KCNG2: variants seen among roughly 807,000 people sequenced by gnomAD.
KCNG2 encodes voltage-gated potassium channel regulatory subunit KCNG2.
KCNG2 carries 7 observed loss-of-function variants against 12.3 expected under a neutral mutation model. That is an observed-to-expected ratio of 0.57 (90% CI 0.32 to 1.07). KCNG2 has a LOEUF of 1.07. KCNG2 is among the 50% of genes least tolerant of loss of function. KCNG2 has a pLI of 0.04. For missense variants in KCNG2, 703 were observed against 726.0 expected, an observed-to-expected ratio of 0.97 and a Z score of 0.36; for synonymous variants, 414 against 351.4, an observed-to-expected ratio of 1.18 and a Z score of -1.99.
chr18:79,834,707 A>G (rs2083081120), intron 1 of KCNG2, among the ~76,000 whole-genome samples: 1 of 152,232 alleles, frequency 6.6e-6, no homozygotes, highest in South Asian at 2.1e-4. Context: ...CAGCAAGTCT[A>G]GCAGACATGC....
intron 1 of KCNG2, among the ~76,000 whole-genome samples, chr18:79,806,139 G>T (rs1012053324): frequency 6.6e-6 from 1 of 152,228 alleles, no homozygotes; most frequent in Admixed American, 6.5e-5. Context: ...GTGGGACTCA[G>T]TGGTCCCTCA....
chr18:79,845,137 G>T (rs1978580258), intron 1 of KCNG2, among the ~76,000 whole-genome samples: 1 of 152,210 alleles, frequency 6.6e-6, no homozygotes, highest in African/African-American at 2.4e-5. Flanking sequence ...AATCTCCAGG[G>T]AATTATTCTG....
chr18:79,826,679 G>A (rs1978286343), intron 1 of KCNG2, among the ~76,000 whole-genome samples: 1 of 147,556 alleles, frequency 6.8e-6, no homozygotes, highest in Admixed American at 6.8e-5. Flanking sequence ...AAAGAACTGA[G>A]TGAGCAGCTC....
rs558505294 is a variant in KCNG2, at chr18:79,856,688, C to T, written c.-41+236C>T. On this transcript the variant is annotated intron_variant, in intron 2 of 3. Transcript: ENST00000316249. ...GGACTGCAGAGGACAGGGGAGCTCA[C>T]GGGGCCGTCTGCCACGCCACAAAGG... Among the ~76,000 whole-genome samples the T allele has an allele frequency of 7.9e-5, 12 of 152,220 alleles. No individual in the cohort carries two copies. The South Asian group carries it at 2.1e-3, about 26-fold the overall frequency.
At chr18:79,885,370 G>A (rs112932559) in intron 3 of KCNG2, among the ~76,000 whole-genome samples, 1 of 152,206 alleles carries the variant, frequency 6.6e-6, no homozygotes, top group Admixed American at 6.5e-5. Context: ...ATCAATCAGG[G>A]TCTGTTTTCT....
intron 1 of KCNG2, among the ~76,000 whole-genome samples, chr18:79,814,910 C>T (rs1443475867): frequency 1.4e-5 from 2 of 142,878 alleles, no homozygotes; most frequent in Non-Finnish European, 1.5e-5. Context: ...ACCCTGTGTG[C>T]TTTTTTTTTT....
chr18:79,845,496 CTT>C (rs1000244041), intron 1 of KCNG2, among the ~76,000 whole-genome samples: 2 of 152,166 alleles, frequency 1.3e-5, no homozygotes, highest in Non-Finnish European at 2.9e-5. Context: ...GATTTTGAAA[CTT>C]TTTGGAGCAA....
intron 1 of KCNG2, among the ~76,000 whole-genome samples, chr18:79,835,420 A>G (rs1037549988): frequency 6.6e-6 from 1 of 152,270 alleles, no homozygotes; most frequent in Non-Finnish European, 1.5e-5. Flanking sequence ...AAAATACTTC[A>G]GTGGACAATT....
At chr18:79,816,238 T>C (rs921018329) in intron 1 of KCNG2, 1 of 152,206 alleles carries the variant, frequency 6.6e-6, no homozygotes, top group Admixed American at 6.5e-5. Context: ...GCTGACAGGG[T>C]ATTTGGTGGC....
intron 3 of KCNG2, among the ~76,000 whole-genome samples, chr18:79,898,424 G>T (rs573724698): frequency 2.6e-5 from 4 of 152,332 alleles, no homozygotes; most frequent in African/African-American, 4.8e-5. Context: ...TCCCACCCAC[G>T]AGAGTGGGGA....
chr18:79,801,483 C>T (rs903784902), intron 1 of KCNG2, among the ~76,000 whole-genome samples: 2 of 152,240 alleles, frequency 1.3e-5, no homozygotes, highest in South Asian at 4.1e-4. Context: ...TCACCCAGGC[C>T]CGGCAAGGAG....
At chr18:79,872,991 A>G (rs1979910807) in intron 3 of KCNG2, among the ~76,000 whole-genome samples, 1 of 152,080 alleles carries the variant, frequency 6.6e-6, no homozygotes, top group African/African-American at 2.4e-5. Flanking sequence ...CTCTGATGAC[A>G]TAGCAGGAGT....
chr18:79,882,119 G>C (rs1980320249), intron 3 of KCNG2, among the ~76,000 whole-genome samples: 1 of 152,228 alleles, frequency 6.6e-6, no homozygotes, highest in Non-Finnish European at 1.5e-5. Flanking sequence ...AAACATAGAG[G>C]TGGCCTTGCC....
chr18:79,893,032 T>A (rs1431039774), intron 3 of KCNG2, among the ~76,000 whole-genome samples: 4 of 152,038 alleles, frequency 2.6e-5, no homozygotes, highest in Admixed American at 6.5e-5. Flanking sequence ...AATGTTACAA[T>A]TGATATAGTT....
chr18:79,836,829 C>T (rs1599382426), intron 1 of KCNG2, among the ~76,000 whole-genome samples: 1 of 152,134 alleles, frequency 6.6e-6, no homozygotes, highest in African/African-American at 2.4e-5. Flanking sequence ...CAGATCCCTC[C>T]CTCAACACAT....
rs1335257565 is a variant in KCNG2 at position 79,803,382 on chromosome 18, T to G, written c.-115+5368T>G. 1.3e-5 allele frequency among the ~76,000 whole-genome samples: 2 copies of G among 152,198 alleles called. No homozygotes were observed. Among genetic ancestry groups the G allele is most frequent in the African/African-American group, 4.8e-5 (2 of 41,450 alleles). On this transcript the variant is annotated intron_variant, in intron 1 of 3. Coordinates refer to ENST00000316249, the MANE Select transcript of KCNG2 (RefSeq NM_012283.2). This position sits in a 1 kb window ranked among gnomAD's most constrained non-coding sequence, Gnocchi z 4.5. Reference sequence around the variant, plus strand: ...TGACAGTTTCTGACTGTGAACAAATTTCCTTGATTTAATTTTCCCTTGTTT... The same window carrying G: ...TGACAGTTTCTGACTGTGAACAAATGTCCTTGATTTAATTTTCCCTTGTTT...
intron 1 of KCNG2, among the ~76,000 whole-genome samples, chr18:79,819,625 G>A (rs1373551109): frequency 6.6e-6 from 1 of 152,218 alleles, no homozygotes; most frequent in Non-Finnish European, 1.5e-5. Context: ...CAAGGACCCG[G>A]CCAGGCCTCA....
Position 79,815,491 on chromosome 18 carries a change from G to T in KCNG2, c.-115+17477G>T, listed in dbSNP as rs139273533. Among the ~76,000 whole-genome samples the T allele has an allele frequency of 4.8e-3, 729 of 151,864 alleles. 3 individuals carry two copies. The highest frequency in any genetic ancestry group is 7.1e-3 in the Non-Finnish European group (482 of 67,948). Reference sequence around the variant, plus strand: ...TTTAATGGTTTATGAGAGTGTTGGGGAGTGTTCAGTGATGGCTTCTAGCGG... The same window carrying T: ...TTTAATGGTTTATGAGAGTGTTGGGTAGTGTTCAGTGATGGCTTCTAGCGG... On this transcript the variant is annotated intron_variant, in intron 1 of 3. Coordinates refer to ENST00000316249, the MANE Select transcript of KCNG2 (RefSeq NM_012283.2).
intron 1 of KCNG2, among the ~76,000 whole-genome samples, chr18:79,851,312 G>T (rs1978808189): frequency 6.6e-6 from 1 of 152,138 alleles, no homozygotes; most frequent in South Asian, 2.1e-4. Flanking sequence ...AAGATATCGG[G>T]ATATCAGGAC....
Sources: allele counts gnomAD v4.1 joint callset (sites outside exome capture counted in the v4.1 genomes callset), GRCh38; gene constraint gnomAD v4.1.1; non-coding constraint Gnocchi (gnomAD v3.1); transcripts MANE v1.5; gene names NCBI Gene and HGNC (gene_info 2026-07-23, HGNC 2026-07-21).